The following CA5A variants were observed in gnomAD, a reference collection of about 807,000 sequenced individuals.
The protein encoded by CA5A is carbonic anhydrase 5A, also known as carbonic anhydrase 5A, mitochondrial.
Under a neutral mutation model 37.1 loss-of-function variants are expected in CA5A, and 28 were observed. The observed-to-expected ratio is 0.75, with a 90% CI of 0.56 to 1.03. CA5A has a LOEUF of 1.03. Ranked by LOEUF, CA5A falls within the 50% of genes least tolerant of loss-of-function variation. The probability of loss-of-function intolerance (pLI) is 0.00; values close to 1 mark genes in which losing one functional copy is unlikely to be tolerated. For missense variants in CA5A, 444 were observed against 399.9 expected (o/e 1.11, Z -0.94); for synonymous variants, 171 against 158.4 (o/e 1.08, Z -0.60).
intron 5 of CA5A, among the ~76,000 whole-genome samples, chr16:87,895,768 C>T (rs1214668268): frequency 2.6e-5 from 4 of 151,854 alleles, no homozygotes; most frequent in African/African-American, 9.7e-5. Flanking sequence ...ACATGTGGAA[C>T]ATTTGTGTCT....
At chr16:87,906,517 C>T (rs1051670868) in intron 2 of CA5A, among the ~76,000 whole-genome samples, 2 of 152,080 alleles carry the variant, frequency 1.3e-5, no homozygotes, top group African/African-American at 4.8e-5. Flanking sequence ...ATCCCAGCTA[C>T]TCGGGAGGCT....
chr16:87,896,037 G>C (rs1367461088), intron 5 of CA5A, among the ~76,000 whole-genome samples: 1 of 152,204 alleles, frequency 6.6e-6, no homozygotes, highest in Non-Finnish European at 1.5e-5. Flanking sequence ...CCTCCTGCCT[G>C]CCACACATCC....
At chr16:87,921,777 G>C (rs2056233964) in intron 2 of CA5A, among the ~76,000 whole-genome samples, 1 of 152,248 alleles carries the variant, frequency 6.6e-6, no homozygotes, top group Non-Finnish European at 1.5e-5. Flanking sequence ...GAGCCTGCTG[G>C]CATGAGATTC....
chr16:87,921,695 G>A (rs1476524005), intron 2 of CA5A, among the ~76,000 whole-genome samples: 1 of 152,140 alleles, frequency 6.6e-6, no homozygotes, highest in Non-Finnish European at 1.5e-5. Flanking sequence ...GAGGCAGGAG[G>A]ATGGAAGCCC....
At chr16:87,916,167 CAAA>C (rs371241361) in intron 2 of CA5A, among the ~76,000 whole-genome samples, 2 of 109,304 alleles carry the variant, frequency 1.8e-5, no homozygotes, top group South Asian at 5.5e-4. Flanking sequence ...GACTCCGTCT[CAAA>C]AAAAAAAAAA....
Position 87,927,097 on chromosome 16 carries a change from C to T in CA5A, c.143-152G>A. The T allele has an allele frequency of 4.9e-6, 3 of 612,228 alleles. No individual in the cohort carries two copies. In the South Asian group the frequency reaches 5.8e-5, roughly 12 times the overall value. The allele number at this position is 612,228 out of a possible 1,614,324, so 37.9% of individuals were successfully genotyped here. ...AAACGGGCGCGTGGGGGCCCCTGCG[C>T]AGCGACGCACGCCCACAGGGTACTC... On this transcript the variant is annotated intron_variant, in intron 1 of 6. Coordinates refer to ENST00000649794, the MANE Select transcript of CA5A (RefSeq NM_001739.2).
intron 1 of CA5A, among the ~76,000 whole-genome samples, chr16:87,928,136 G>T (rs777360487): frequency 1.3e-5 from 2 of 152,068 alleles, no homozygotes; most frequent in Non-Finnish European, 2.9e-5. Flanking sequence ...CACCTTCACA[G>T]GCCTGAGCTA....
At chr16:87,907,786 T>A (rs2055987272) in intron 2 of CA5A, among the ~76,000 whole-genome samples, 1 of 152,016 alleles carries the variant, frequency 6.6e-6, no homozygotes, top group Non-Finnish European at 1.5e-5. Context: ...ATTAGCCAGG[T>A]GTGGTGGCAG....
chr16:87,929,851 AAT>A (rs2144089005), intron 1 of CA5A, among the ~76,000 whole-genome samples: 1 of 143,484 alleles, frequency 7.0e-6, no homozygotes, highest in South Asian at 2.4e-4. Context: ...CAGCCTGGGC[AAT>A]ACAGCGAGAC....
At chr16:87,915,221 T>C (rs1363257004) in intron 2 of CA5A, among the ~76,000 whole-genome samples, 1 of 152,166 alleles carries the variant, frequency 6.6e-6, no homozygotes, top group Non-Finnish European at 1.5e-5. Context: ...TGGGAAACAA[T>C]CTACAATTCG....
At position 87,924,444 on chromosome 16, in the gene CA5A, G is replaced by C. The variant is rs956070786; in HGVS notation, c.340+2304C>G. On this transcript the variant is annotated intron_variant, in intron 2 of 6. Coordinates refer to ENST00000649794, the MANE Select transcript of CA5A (RefSeq NM_001739.2). ...CTCTCACGCCCTGCCCCCAACAGCA[G>C]GTGCATTAGAGGCAGGAGCAGGCTC... 7.0e-6 allele frequency: 3 copies of C among 430,910 alleles called. No homozygotes were observed. In the South Asian group the frequency reaches 3.0e-4, roughly 43 times the overall value. The allele number at this position is 430,910 out of a possible 1,614,324, so 26.7% of individuals were successfully genotyped here.
At chr16:87,932,310 C>T (rs752842788) in intron 1 of CA5A, among the ~76,000 whole-genome samples, 2 of 152,180 alleles carry the variant, frequency 1.3e-5, no homozygotes, top group Non-Finnish European at 2.9e-5. Context: ...AGGAGGTGCT[C>T]ATCTAGACCA....
chr16:87,918,997 G>A (rs190115264), intron 2 of CA5A, among the ~76,000 whole-genome samples: 22 of 152,336 alleles, frequency 1.4e-4, no homozygotes, highest in Admixed American at 5.2e-4. Context: ...AGATTGGCCC[G>A]CGTGGACGGG....
intron 2 of CA5A, among the ~76,000 whole-genome samples, chr16:87,926,011 T>C (rs1028687244): frequency 1.3e-5 from 2 of 152,162 alleles, no homozygotes; most frequent in African/African-American, 2.4e-5. Context: ...TCACCTGATG[T>C]CAGGGGTTCG....
chr16:87,929,230 T>A (rs2056362080), intron 1 of CA5A, among the ~76,000 whole-genome samples: 1 of 150,910 alleles, frequency 6.6e-6, no homozygotes, highest in African/African-American at 2.4e-5. Flanking sequence ...GGTGGGTGGA[T>A]CACCTGAGGT....
chr16:87,931,714 C>G (rs948427716), intron 1 of CA5A, among the ~76,000 whole-genome samples: 4 of 152,200 alleles, frequency 2.6e-5, no homozygotes, highest in African/African-American at 7.2e-5. Context: ...CCTGCGGTCA[C>G]ACACAGAACT....
At chr16:87,917,687 A>C (rs907795037) in intron 2 of CA5A, among the ~76,000 whole-genome samples, 1 of 150,868 alleles carries the variant, frequency 6.6e-6, no homozygotes, top group African/African-American at 2.5e-5. Flanking sequence ...ACAGTGCACA[A>C]TGCACACCCG....
Position 87,936,301 on chromosome 16 carries a change from C to CTA in CA5A, c.142+6_142+7dup. 6.2e-7 allele frequency: 1 copy of CTA among 1,605,896 alleles called. No individual in the cohort carries two copies. Among genetic ancestry groups the CTA allele is most frequent in the Non-Finnish European group, 8.5e-7 (1 of 1,173,030 alleles). ...GTCGCATCTTAGGAAATTTGAGGCT[C>CTA]TACTTACAAGTGTTATTGCTGGTTT... On this transcript the variant is annotated splice_region_variant and intron_variant, in intron 1 of 6. Transcript: ENST00000649794.
At position 87,928,740 on chromosome 16, in the gene CA5A, TGG is replaced by T. The variant is rs1567537765; in HGVS notation, c.143-1797_143-1796del. On this transcript the variant is annotated intron_variant, in intron 1 of 6. Coordinates refer to ENST00000649794, the MANE Select transcript of CA5A (RefSeq NM_001739.2). ...GCTGTTCTTTCTCTGTATTCTCATCTGGATTATTTTCTTTTCTTTGTTTTTTT... is the reference window on the plus strand; with the variant it reads ...GCTGTTCTTTCTCTGTATTCTCATCTATTATTTTCTTTTCTTTGTTTTTTT... 1.6e-4 allele frequency among the ~76,000 whole-genome samples: 16 copies of T among 101,026 alleles called. 2 individuals are homozygous for T. Among genetic ancestry groups the T allele is most frequent in the Admixed American group, 3.5e-4 (3 of 8,508 alleles). 66.3% of individuals were successfully genotyped at this position (101,026 alleles called of 152,430 possible).
Sources: allele counts gnomAD v4.1 joint callset (sites outside exome capture counted in the v4.1 genomes callset), GRCh38; gene constraint gnomAD v4.1.1; transcripts MANE v1.5; gene names NCBI Gene and HGNC (gene_info 2026-07-23, HGNC 2026-07-21).